Variants in PEAK1 observed in about 807,000 individuals in gnomAD.
PEAK1 encodes the protein pseudopodium enriched atypical kinase 1.
In PEAK1, 54 loss-of-function variants were observed where a neutral mutation model predicts 124.7. The observed-to-expected ratio is 0.43, with a 90% CI of 0.35 to 0.54. The LOEUF (loss-of-function observed/expected upper bound fraction) is 0.54, where lower values mean the gene tolerates loss of function less well. Among genes scored for constraint, PEAK1 ranks in the 20% least tolerant of loss-of-function variants. The pLI, the probability that PEAK1 is intolerant of heterozygous loss-of-function variation, is 0.01. For missense variants in PEAK1, 2,046 were observed against 2,134.5 expected, an observed-to-expected ratio of 0.96 and a Z score of 0.82; for synonymous variants, 719 against 760.0, an observed-to-expected ratio of 0.95 and a Z score of 0.89.
At chr15:77,130,640 G>A (rs1567004477) in intron 9 of PEAK1, among the ~76,000 whole-genome samples, 1 of 152,202 alleles carries the variant, frequency 6.6e-6, no homozygotes, top group Non-Finnish European at 1.5e-5. Flanking sequence ...AAGTCATTTA[G>A]ATATGTTAAT....
In PEAK1 at chr15:77,127,922, A is replaced by G. The variant is rs560065604; in HGVS notation, c.4077+5083T>C. 1.6e-4 allele frequency among the ~76,000 whole-genome samples: 24 copies of G among 152,152 alleles called. No homozygotes were observed. In the South Asian group the frequency reaches 4.8e-3, roughly 30 times the overall value. On this transcript the variant is annotated intron_variant, in intron 9 of 9. Coordinates refer to ENST00000682557, the MANE Select transcript of PEAK1 (RefSeq NM_001385026.1). ...TGGTGAAACCCTGTCTCTACTAAAA[A>G]TACAAAAAGCAGTTGGTGTGGTGAC...
chr15:77,281,733 T>A (rs1219819927), intron 5 of PEAK1, among the ~76,000 whole-genome samples: 3 of 152,162 alleles, frequency 2.0e-5, no homozygotes, highest in African/African-American at 7.2e-5. Flanking sequence ...ACATTGAGAA[T>A]TAAGAAAAAT....
At chr15:77,244,230 G>A (rs189496557) in intron 6 of PEAK1, among the ~76,000 whole-genome samples, 10 of 152,318 alleles carry the variant, frequency 6.6e-5, no homozygotes, top group Non-Finnish European at 1.2e-4. Flanking sequence ...GCAAAAGGAG[G>A]ATAAAAGGAA....
At chr15:77,199,359 A>T (rs930456370) in intron 6 of PEAK1, among the ~76,000 whole-genome samples, 4 of 152,140 alleles carry the variant, frequency 2.6e-5, no homozygotes, top group African/African-American at 7.2e-5. Context: ...CATCAAACAC[A>T]ATGTCTCTAA....
At chr15:77,318,414 C>A (rs1050173029) in intron 2 of PEAK1, among the ~76,000 whole-genome samples, 1 of 152,068 alleles carries the variant, frequency 6.6e-6, no homozygotes, top group African/African-American at 2.4e-5. Context: ...TCATAATTAA[C>A]CCTTGCCAGA....
chr15:77,174,149 T>A (rs1051992700), intron 7 of PEAK1, among the ~76,000 whole-genome samples: 17 of 152,210 alleles, frequency 1.1e-4, no homozygotes, highest in Non-Finnish European at 2.2e-4. Context: ...ATGGCACAGT[T>A]AAGACACTCA....
intron 5 of PEAK1, among the ~76,000 whole-genome samples, chr15:77,280,156 C>T (rs750818929): frequency 1.6e-4 from 24 of 152,196 alleles, no homozygotes; most frequent in Non-Finnish European, 3.2e-4. Flanking sequence ...GCCTGGCCAA[C>T]ATGGTGAAAT....
intron 2 of PEAK1, among the ~76,000 whole-genome samples, chr15:77,354,407 C>T (rs527823310): frequency 7.9e-5 from 12 of 152,324 alleles, no homozygotes; most frequent in African/African-American, 2.9e-4. Flanking sequence ...CCTATCTGGA[C>T]TATATATAGC....
At chr15:77,348,811 G>A (rs1350362306) in intron 2 of PEAK1, 15 of 773,876 alleles carry the variant, frequency 1.9e-5, no homozygotes, top group Non-Finnish European at 2.2e-5. Flanking sequence ...GGGAGGGGGC[G>A]GGCAGGTGGG....
intron 1 of PEAK1, among the ~76,000 whole-genome samples, chr15:77,377,704 A>C (rs1257455942): frequency 6.6e-6 from 1 of 152,146 alleles, no homozygotes; most frequent in Non-Finnish European, 1.5e-5. Flanking sequence ...TCTTGACCTC[A>C]GGTGATCCGC....
chr15:77,360,810 A>G (rs1016450720), intron 2 of PEAK1, among the ~76,000 whole-genome samples: 61 of 152,000 alleles, frequency 4.0e-4, no homozygotes, highest in African/African-American at 1.4e-3. Context: ...CAAATAACCT[A>G]ATTTTAAAAT....
At chr15:77,337,155 T>A (rs918125953) in intron 2 of PEAK1, 3 of 985,160 alleles carry the variant, frequency 3.0e-6, no homozygotes. Context: ...CATTATAACC[T>A]ACCTGTGCCC....
At chr15:77,220,297 G>T (rs1406002945) in intron 6 of PEAK1, among the ~76,000 whole-genome samples, 2 of 151,916 alleles carry the variant, frequency 1.3e-5, no homozygotes, top group African/African-American at 2.4e-5. Flanking sequence ...CTTAAAAGTT[G>T]CAACTTTTAC....
chr15:77,225,808 T>C (rs2059617708), intron 6 of PEAK1, among the ~76,000 whole-genome samples: 1 of 146,550 alleles, frequency 6.8e-6, no homozygotes, highest in South Asian at 2.1e-4. Flanking sequence ...TTTTTCAATA[T>C]ATGACGAAAC....
At chr15:77,366,772 G>A (rs964906192) in intron 1 of PEAK1, among the ~76,000 whole-genome samples, 3 of 152,180 alleles carry the variant, frequency 2.0e-5, no homozygotes, top group Non-Finnish European at 4.4e-5. Context: ...TGTCCACGAA[G>A]ACTGGTCTTG....
intron 1 of PEAK1, chr15:77,404,412 T>G (rs1209922650): frequency 2.4e-5 from 20 of 827,502 alleles, no homozygotes; most frequent in Non-Finnish European, 2.9e-5. Flanking sequence ...AAGTGGAAAA[T>G]ATACATTGGA....
chr15:77,320,906 G>A (rs1216275230), intron 2 of PEAK1, among the ~76,000 whole-genome samples: 4 of 151,970 alleles, frequency 2.6e-5, no homozygotes, highest in South Asian at 4.2e-4. Context: ...GAGAGCATGC[G>A]GTGTTTGGTT....
intron 9 of PEAK1, among the ~76,000 whole-genome samples, chr15:77,126,165 C>A (rs747435030): frequency 9.9e-5 from 15 of 152,118 alleles, no homozygotes; most frequent in Non-Finnish European, 1.6e-4. Flanking sequence ...TGAGTATTAC[C>A]ATTTTGTAGG....
rs117576006 is a variant in PEAK1, at chr15:77,166,470, G to A, written c.3138-7774C>T. On this transcript the variant is annotated intron_variant, in intron 7 of 9. Transcript: ENST00000682557. ...ATCCACATGGCAGGATTATAACAGCGCTTCTTGCCTCTACCTGCTAAAGGC... is the reference window on the plus strand; with the variant it reads ...ATCCACATGGCAGGATTATAACAGCACTTCTTGCCTCTACCTGCTAAAGGC... Among the ~76,000 whole-genome samples, 101 of 152,240 alleles carry A rather than the reference G, an allele frequency of 6.6e-4. 1 individual carries two copies. The East Asian group carries it at 0.019, about 28-fold the overall frequency.
Sources: gnomAD v4.1 joint callset for allele counts (sites outside exome capture counted in the v4.1 genomes callset) on GRCh38, gnomAD v4.1.1 for gene constraint, MANE v1.5 for transcripts, NCBI Gene and HGNC (gene_info 2026-07-23, HGNC 2026-07-21) for gene names.